Variants in CBY1 observed in about 807,000 individuals in gnomAD.
The protein encoded by CBY1 is protein chibby homolog 1.
Under a neutral mutation model 15.6 loss-of-function variants are expected in CBY1, and 10 were observed. The ratio of observed to expected loss-of-function variants is 0.64; its 90% CI spans 0.40 to 1.09. The LOEUF (loss-of-function observed/expected upper bound fraction) is 1.09. CBY1 is among the 50% of genes least tolerant of loss of function. CBY1 has a pLI of 0.01. For synonymous variants in CBY1, 61 were observed against 63.5 expected, an observed-to-expected ratio of 0.96 and a Z score of 0.19; for missense variants, 150 against 160.5, an observed-to-expected ratio of 0.93 and a Z score of 0.35.
intron 4 of CBY1, among the ~76,000 whole-genome samples, chr22:38,672,134 C>T (rs1438645645): frequency 4.6e-5 from 7 of 151,204 alleles, no homozygotes; most frequent in Non-Finnish European, 8.8e-5. Flanking sequence ...TGATGGCATG[C>T]GCCTATAATC....
At chr22:38,670,771 C>T in intron 2 of CBY1, 113 bp from the exon 3 acceptor site, 1 of 714,502 alleles carries the variant, frequency 1.4e-6, no homozygotes, top group Non-Finnish European at 2.5e-6. Context: ...TTAAAGGTGC[C>T]AAGTAATGAT....
chr22:38,658,084 A>G (rs1477160289), intron 1 of CBY1, among the ~76,000 whole-genome samples: 1 of 151,978 alleles, frequency 6.6e-6, no homozygotes, highest in East Asian at 1.9e-4. Flanking sequence ...TTTAACCACT[A>G]TGAACAGTTT....
intron 1 of CBY1, among the ~76,000 whole-genome samples, chr22:38,663,560 G>T (rs1274792703): frequency 6.6e-6 from 1 of 151,628 alleles, no homozygotes; most frequent in Non-Finnish European, 1.5e-5. Context: ...GCCGGGCGTG[G>T]TGGCGCATGC....
intron 1 of CBY1, among the ~76,000 whole-genome samples, chr22:38,659,079 G>C (rs1343484243): frequency 6.6e-6 from 1 of 152,034 alleles, no homozygotes; most frequent in African/African-American, 2.4e-5. Flanking sequence ...GAGATTACAG[G>C]CGCACGCCAA....
chr22:38,668,201 A>C (rs2092442566), intron 2 of CBY1, 69 bp downstream of exon 2: 4 of 936,586 alleles, frequency 4.3e-6, no homozygotes, highest in South Asian at 3.9e-5. Context: ...CTCTGAATGG[A>C]AAGTGTGGTC....
At chr22:38,673,056 G>GA (rs1050843560) in intron 4 of CBY1, 103 bp from the exon 5 acceptor site, 1 of 734,118 alleles carries the variant, frequency 1.4e-6, no homozygotes, top group African/African-American at 1.7e-5. Flanking sequence ...CAGCATCAGA[G>GA]AAGTGGCAGG....
intron 4 of CBY1, 149 bp from the exon 5 acceptor site, chr22:38,673,010 A>T (rs777828729): frequency 5.1e-6 from 3 of 587,128 alleles, no homozygotes; most frequent in Non-Finnish European, 9.4e-6. Context: ...GTTGCATTCT[A>T]CCCAGTTACA....
intron 1 of CBY1, among the ~76,000 whole-genome samples, chr22:38,658,699 A>C (rs969824071): frequency 6.6e-6 from 1 of 151,606 alleles, no homozygotes; most frequent in Non-Finnish European, 1.5e-5. Flanking sequence ...AGTGGTCTCC[A>C]TCTCCTGACC....
intron 2 of CBY1, 151 bp from the exon 3 acceptor site, chr22:38,670,733 A>AT: frequency 1.6e-6 from 1 of 622,378 alleles, no homozygotes; most frequent in Non-Finnish European, 2.9e-6. Context: ...CCTGTACATC[A>AT]TTTGATTTTA....
chr22:38,671,275 CA>C (rs1215378447), intron 4 of CBY1, 87 bp downstream of exon 4: 12 of 1,012,134 alleles, frequency 1.2e-5, no homozygotes, highest in Non-Finnish European at 1.7e-5. Context: ...GATATCTCCT[CA>C]ATGCCAGTTT....
chr22:38,657,987 C>T (rs567378388), intron 1 of CBY1, among the ~76,000 whole-genome samples: 1 of 151,864 alleles, frequency 6.6e-6, no homozygotes, highest in Non-Finnish European at 1.5e-5. Flanking sequence ...TTATATTGTA[C>T]CATATGAAAT....
At chr22:38,667,113 T>C (rs2092438862) in intron 1 of CBY1, among the ~76,000 whole-genome samples, 1 of 151,872 alleles carries the variant, frequency 6.6e-6, no homozygotes, top group Non-Finnish European at 1.5e-5. Flanking sequence ...TAGGTTCAAG[T>C]GATCCTCCCA....
chr22:38,673,336 G>A lies in CBY1; in HGVS notation c.*100G>A. ...CCTGGAAGAGAGTATCATATAATGA[G>A]ACCCACAGGCACTGGCACCCTTGGG... On this transcript the variant is annotated 3_prime_UTR_variant, in exon 5 of 5. Transcript: ENST00000216029. 1.3e-6 allele frequency: 1 copy of A among 744,694 alleles called. No homozygotes were observed. Among genetic ancestry groups the A allele is most frequent in the Non-Finnish European group, 2.4e-6 (1 of 421,288 alleles). The allele number at this position is 744,694 out of a possible 1,614,324, so 46.1% of individuals were successfully genotyped here.
intron 1 of CBY1, among the ~76,000 whole-genome samples, chr22:38,664,821 G>A (rs2092431587): frequency 6.6e-6 from 1 of 152,094 alleles, no homozygotes; most frequent in Non-Finnish European, 1.5e-5. Context: ...AGATATACAT[G>A]CTCAAGTCTT....
chr22:38,666,356 A>G (rs1194467654), intron 1 of CBY1, among the ~76,000 whole-genome samples: 1 of 152,060 alleles, frequency 6.6e-6, no homozygotes, highest in African/African-American at 2.4e-5. Flanking sequence ...CTAGGATTAC[A>G]GGTGTGAGCC....
Position 38,673,241 on chromosome 22 carries a change from C to A in CBY1, c.*5C>A. ...ATCAGCCGGAAGAGAAAATGAAGAC[C>A]CCAGAGACATTTATTGGGGAGTAGG... On this transcript the variant is annotated 3_prime_UTR_variant, in exon 5 of 5. Transcript: ENST00000216029. 6.3e-7 allele frequency: 1 copy of A among 1,598,260 alleles called. No individual in the cohort carries two copies. The highest frequency in any genetic ancestry group is 8.6e-7 in the Non-Finnish European group (1 of 1,165,862).
chr22:38,672,675 C>T (rs929977890), intron 4 of CBY1, among the ~76,000 whole-genome samples: 2 of 151,888 alleles, frequency 1.3e-5, no homozygotes, highest in Admixed American at 1.3e-4. Flanking sequence ...TGAGTTAGTA[C>T]AAGAAAAGCA....
intron 1 of CBY1, among the ~76,000 whole-genome samples, chr22:38,659,391 G>C (rs1460015028): frequency 6.6e-6 from 1 of 151,858 alleles, no homozygotes; most frequent in African/African-American, 2.4e-5. Flanking sequence ...TGGGATTACA[G>C]GCGTGTGCCA....
At position 38,673,211 on chromosome 22, in the gene CBY1, T is replaced by C. The variant is rs771803924; in HGVS notation, c.356T>C (p.Leu119Pro). ...SHLMEKELDE[L>P]RISRKRK ...TTAATGGAGAAGGAACTGGATGAAC[T>C]GAGGATCAGCCGGAAGAGAAAATGA... The change falls in exon 5 of 5, where the codon CTG becomes CCG. Residue 119 changes from leucine to proline, a missense_variant. By Grantham distance (98) the Leu-to-Pro change is moderately conservative (BLOSUM62 -3). Coordinates refer to ENST00000216029, the MANE Select transcript of CBY1 (RefSeq NM_015373.4). 1.2e-5 allele frequency: 19 copies of C among 1,611,974 alleles called. No homozygotes were observed. Among genetic ancestry groups the C allele is most frequent in the Non-Finnish European group, 1.6e-5 (19 of 1,178,232 alleles).
Sources: allele counts gnomAD v4.1 joint callset (sites outside exome capture counted in the v4.1 genomes callset), GRCh38; gene constraint gnomAD v4.1.1; transcripts MANE v1.5; gene names NCBI Gene and HGNC (gene_info 2026-07-23, HGNC 2026-07-21).